Variants in ANAPC5 observed in about 807,000 individuals in gnomAD.
ANAPC5 encodes the protein anaphase-promoting complex subunit 5.
In ANAPC5, 60 loss-of-function variants were observed where a neutral mutation model predicts 91.3. That is an observed-to-expected ratio of 0.66 (90% confidence interval 0.53 to 0.81). The LOEUF (loss-of-function observed/expected upper bound fraction) is 0.81, where lower values mean the gene tolerates loss of function less well. Ranked by LOEUF, ANAPC5 falls within the 40% of genes least tolerant of loss-of-function variation. The pLI, the probability that ANAPC5 is intolerant of heterozygous loss-of-function variation, is 0.00. For synonymous variants in ANAPC5, 340 were observed against 364.1 expected, an observed-to-expected ratio of 0.93 and a Z score of 0.75; for missense variants, 690 against 931.5, an observed-to-expected ratio of 0.74 and a Z score of 3.37.
At chr12:121,338,848 G>C (rs1903341847) in intron 5 of ANAPC5, among the ~76,000 whole-genome samples, 1 of 151,452 alleles carries the variant, frequency 6.6e-6, no homozygotes, top group Non-Finnish European at 1.5e-5. Context: ...AATATACCCT[G>C]TATTGTAAAC....
At chr12:121,349,623 T>C (rs539288185) in intron 1 of ANAPC5, among the ~76,000 whole-genome samples, 1 of 150,380 alleles carries the variant, frequency 6.6e-6, no homozygotes, top group African/African-American at 2.4e-5. Flanking sequence ...AATAACTATA[T>C]AGTAGTTAGC....
chr12:121,348,250 A>C (rs781662860), intron 1 of ANAPC5, among the ~76,000 whole-genome samples: 2 of 152,262 alleles, frequency 1.3e-5, no homozygotes, highest in Non-Finnish European at 2.9e-5. Context: ...AAGATAATAC[A>C]AAGTGCTTTG....
chr12:121,336,709 G>C (rs11615493), intron 6 of ANAPC5, among the ~76,000 whole-genome samples: 7,459 of 152,016 alleles, frequency 0.049, 194 homozygotes, highest in South Asian at 0.082. Context: ...ACTGTTTTTT[G>C]CATCAGTCTA....
intron 13 of ANAPC5, 63 bp from the exon 14 acceptor site, chr12:121,318,671 A>C: frequency 7.3e-7 from 1 of 1,365,454 alleles, no homozygotes; most frequent in Non-Finnish European, 1.0e-6. Context: ...AAGAATCTCA[A>C]TTTATTCAAT....
At chr12:121,332,280 A>C (rs1453761909) in intron 7 of ANAPC5, 1 of 152,200 alleles carries the variant, frequency 6.6e-6, no homozygotes, top group Non-Finnish European at 1.5e-5. Context: ...AGTTTTAGAA[A>C]GTATTTTGAG....
chr12:121,313,854 C>A (rs1485402520), intron 15 of ANAPC5, among the ~76,000 whole-genome samples: 1 of 152,134 alleles, frequency 6.6e-6, no homozygotes, highest in African/African-American at 2.4e-5. Flanking sequence ...AAATTCTTCC[C>A]AGAAAAAGGA....
At chr12:121,316,681 C>T (rs75416075) in intron 15 of ANAPC5, among the ~76,000 whole-genome samples, 3 of 135,188 alleles carry the variant, frequency 2.2e-5, no homozygotes, top group Admixed American at 8.5e-5. Context: ...TGCAGTGAGC[C>T]GAGATTGCAC....
intron 1 of ANAPC5, among the ~76,000 whole-genome samples, chr12:121,349,848 A>G (rs1903816104): frequency 6.6e-6 from 1 of 151,458 alleles, no homozygotes; most frequent in African/African-American, 2.4e-5. Flanking sequence ...CTGGGACTAC[A>G]GGCGCACATC....
In ANAPC5 at chr12:121,308,504, CCCATGAGAGGGCAGCT is replaced by C. The variant is rs931832633; in HGVS notation, c.2228_2243del (p.Glu743GlyfsTer4). 8 of 1,613,914 alleles carry C rather than the reference CCCATGAGAGGGCAGCT, an allele frequency of 5.0e-6. No homozygotes were observed. The highest frequency in any genetic ancestry group is 3.3e-5 in the Admixed American group (2 of 59,986). Reference sequence around the variant, plus strand: ...TCTAGAGATGGTTTATCAAGGGTACCCCATGAGAGGGCAGCTCCTGATGCAGCTGCCGGAAGAGCAT... The same window carrying C: ...TCTAGAGATGGTTTATCAAGGGTACCCCTGATGCAGCTGCCGGAAGAGCAT... On this transcript the variant is annotated frameshift_variant, in exon 17 of 17. Transcript: ENST00000261819. LOFTEE classifies it high-confidence loss of function.
chr12:121,337,526 C>G (rs558813833), intron 5 of ANAPC5, 134 bp from the exon 6 acceptor site: 2 of 605,842 alleles, frequency 3.3e-6, no homozygotes, highest in Non-Finnish European at 5.6e-6. Flanking sequence ...ATCTCGCCAG[C>G]CTTGGCTGGC....
At position 121,320,235 on chromosome 12, in the gene ANAPC5, A is replaced by G. The variant is rs2136768014; in HGVS notation, c.1515+150T>C. 7.5e-6 allele frequency: 5 copies of G among 665,220 alleles called. No individual in the cohort carries two copies. In the East Asian group the frequency reaches 1.4e-4, roughly 19 times the overall value. 41.2% of individuals were successfully genotyped at this position (665,220 alleles called of 1,614,324 possible). ...ATGAGCCTGTGTTTTTAAACTTTAT[A>G]TAAATAATATCATACTTGTAAGCAT... On this transcript the variant is annotated intron_variant, in intron 12 of 16. Transcript: ENST00000261819.
chr12:121,352,043 G>A (rs1903911484), intron 1 of ANAPC5, 91 bp downstream of exon 1: 1 of 1,205,980 alleles, frequency 8.3e-7, no homozygotes, highest in South Asian at 1.5e-5. Context: ...GTATCTGATG[G>A]ACACGAGTGT....
rs1423164055 is a variant in ANAPC5, at chr12:121,335,608, C to G, written c.875G>C (p.Gly292Ala). Residue 292 changes from glycine (G) to alanine (A), a missense_variant, in exon 7 of 17, where the codon GGG becomes GCG. This residue lies in a region of ANAPC5 where 83 missense variants were observed against 150.8 expected (regional missense o/e 0.55). Transcript: ENST00000261819. ...CAAGCTCCGGCCATAGCCCTCTTCC[C>G]CATTACTTTTGCTTTCGGCTCCGGT... is the stretch of plus-strand genomic sequence containing the variant. ...ILTGAESKSN[G>A]EEGYGRSLRY... The G allele has an allele frequency of 3.1e-6, 5 of 1,613,918 alleles. No individual in the cohort carries two copies. The highest frequency in any genetic ancestry group is 4.2e-6 in the Non-Finnish European group (5 of 1,179,928).
chr12:121,352,406 A>T lies in ANAPC5; in HGVS notation c.-66T>A. On this transcript the variant is annotated 5_prime_UTR_variant, in exon 1 of 17. Transcript: ENST00000261819. Reference sequence around the variant, plus strand: ...GCCAGTTGTCACCACAAGGCACAACACTACCGGGTCTACATCTCCGCCCGC... The same window carrying T: ...GCCAGTTGTCACCACAAGGCACAACTCTACCGGGTCTACATCTCCGCCCGC... 1 of 1,319,404 alleles carries T rather than the reference A, an allele frequency of 7.6e-7. No homozygotes were observed. The allele number at this position is 1,319,404 out of a possible 1,614,324, so 81.7% of individuals were successfully genotyped here.
intron 11 of ANAPC5, 162 bp from the exon 12 acceptor site, chr12:121,320,621 T>TGG: frequency 6.1e-6 from 3 of 491,238 alleles, no homozygotes; most frequent in Non-Finnish European, 7.2e-6. Context: ...TTTTTTTTTT[T>TGG]GGGACAGAGT....
At chr12:121,313,715 A>G (rs1180162951) in intron 15 of ANAPC5, among the ~76,000 whole-genome samples, 1 of 152,224 alleles carries the variant, frequency 6.6e-6, no homozygotes, top group Non-Finnish European at 1.5e-5. Flanking sequence ...GGAAATCTGA[A>G]TAGACCTATA....
intron 7 of ANAPC5, chr12:121,334,982 CTG>C (rs1555273272): frequency 1.3e-5 from 2 of 151,126 alleles, no homozygotes; most frequent in African/African-American, 4.9e-5. Context: ...TTTTCATAAA[CTG>C]TTCCAGTGCC....
intron 4 of ANAPC5, among the ~76,000 whole-genome samples, chr12:121,344,408 A>G (rs536567714): frequency 8.1e-4 from 123 of 152,152 alleles, no homozygotes; most frequent in African/African-American, 2.7e-3. Context: ...GTGAAACCCC[A>G]TCTCTACTAA....
chr12:121,349,592 TA>T (rs1177926373), intron 1 of ANAPC5, among the ~76,000 whole-genome samples: 3 of 151,076 alleles, frequency 2.0e-5, no homozygotes, highest in Non-Finnish European at 4.4e-5. Flanking sequence ...AAAATAAATT[TA>T]AAAATAAAAA....
Sources: allele counts gnomAD v4.1 joint callset (sites outside exome capture counted in the v4.1 genomes callset), GRCh38; gene constraint gnomAD v4.1.1; regional missense constraint gnomAD v4.1.1; transcripts MANE v1.5; gene names NCBI Gene and HGNC (gene_info 2026-07-23, HGNC 2026-07-21).